Variants in MTUS2 observed in about 807,000 individuals in gnomAD.
MTUS2 encodes the protein microtubule-associated tumor suppressor candidate 2.
In MTUS2, 40 loss-of-function variants were observed where a neutral mutation model predicts 114.1. The observed-to-expected ratio is 0.35, with a 90% CI of 0.27 to 0.46. The LOEUF (loss-of-function observed/expected upper bound fraction) is 0.46. MTUS2 is among the 20% of genes least tolerant of loss of function. The probability of loss-of-function intolerance (pLI) is 1.00; values close to 1 mark genes in which losing one functional copy is unlikely to be tolerated. For missense variants in MTUS2, 1,679 were observed against 1,705.4 expected, an observed-to-expected ratio of 0.98 and a Z score of 0.27; for synonymous variants, 688 against 672.0, an observed-to-expected ratio of 1.02 and a Z score of -0.37.
At position 28,863,962 on chromosome 13, in the gene MTUS2, C is replaced by T. The variant is rs558379487; in HGVS notation, c.-243+24112C>T. Among the ~76,000 whole-genome samples, 23 of 152,298 alleles carry T rather than the reference C, an allele frequency of 1.5e-4. No individual in the cohort carries two copies. In the East Asian group the frequency reaches 4.3e-3, roughly 28 times the overall value. On this transcript the variant is annotated intron_variant, in intron 2 of 15. Transcript: ENST00000612955. ...CCTCCTGCATCAGCCTCCAAAAATA[C>T]TGGGATTACAGGCACGAGTCACTGC...
chr13:29,127,862 C>T (rs1323353891), intron 5 of MTUS2, among the ~76,000 whole-genome samples: 1 of 152,184 alleles, frequency 6.6e-6, no homozygotes, highest in Admixed American at 6.5e-5. Flanking sequence ...CGTGGTTTTA[C>T]AGATTAGTGT....
At position 28,979,394 on chromosome 13, in the gene MTUS2, C is replaced by T. The variant is rs141568181; in HGVS notation, c.-242-45063C>T. On this transcript the variant is annotated intron_variant, in intron 2 of 15. Coordinates refer to ENST00000612955, the MANE Select transcript of MTUS2 (RefSeq NM_001033602.4). The stretch of plus-strand genomic sequence containing the variant: ...TAACAATGCCTTTTCATCCTGAAAA[C>T]CATTTCAGGCCCTTTCCATTTTTAA... 2.2e-3 allele frequency among the ~76,000 whole-genome samples: 330 copies of T among 152,250 alleles called. 2 individuals carry two copies. Among genetic ancestry groups the T allele is most frequent in the African/African-American group, 6.4e-3 (266 of 41,530 alleles).
At position 29,008,196 on chromosome 13, in the gene MTUS2, C is replaced by T. The variant is rs560270515; in HGVS notation, c.-242-16261C>T. Among the ~76,000 whole-genome samples, 124 of 152,262 alleles carry T rather than the reference C, an allele frequency of 8.1e-4. 1 individual carries two copies. Among genetic ancestry groups the T allele is most frequent in the African/African-American group, 2.9e-3 (121 of 41,548 alleles). On this transcript the variant is annotated intron_variant, in intron 2 of 15. Transcript: ENST00000612955. ...CTCCTGATTGTGCCAAGTCAGTCAA[C>T]AGAGCCCCATCTCCTGCCCTGAGGG...
chr13:29,265,000 A>G (rs900498943), intron 5 of MTUS2, among the ~76,000 whole-genome samples: 2 of 152,258 alleles, frequency 1.3e-5, no homozygotes, highest in African/African-American at 4.8e-5. Flanking sequence ...TTTCTCTGCC[A>G]CATGACCAGG....
intron 5 of MTUS2, among the ~76,000 whole-genome samples, chr13:29,112,558 G>A (rs1890923082): frequency 6.6e-6 from 1 of 152,144 alleles, no homozygotes; most frequent in South Asian, 2.1e-4. Flanking sequence ...TGAGGAAAAG[G>A]GAAAGAACCG....
At chr13:29,251,797 T>C (rs987624108) in intron 5 of MTUS2, among the ~76,000 whole-genome samples, 1 of 152,256 alleles carries the variant, frequency 6.6e-6, no homozygotes, top group African/African-American at 2.4e-5. Context: ...TAATATTTCA[T>C]TGTGTGCATA....
At chr13:29,202,018 T>G (rs554103829) in intron 5 of MTUS2, among the ~76,000 whole-genome samples, 7 of 152,292 alleles carry the variant, frequency 4.6e-5, no homozygotes, top group South Asian at 2.1e-4. Context: ...CTTAGTGGTG[T>G]TCTCTGTATT....
intron 2 of MTUS2, among the ~76,000 whole-genome samples, chr13:28,960,424 T>C (rs1414154464): frequency 6.6e-6 from 1 of 152,198 alleles, no homozygotes; most frequent in African/African-American, 2.4e-5. Flanking sequence ...CAAAAATTTG[T>C]ACACAGATGT....
intron 8 of MTUS2, among the ~76,000 whole-genome samples, chr13:29,419,605 G>T (rs1046648831): frequency 3.9e-5 from 6 of 152,206 alleles, no homozygotes; most frequent in Admixed American, 3.9e-4. Context: ...TTCCAAAGCA[G>T]TGCTTTCACT....
Position 29,199,519 on chromosome 13 carries a change from C to T in MTUS2, c.2645-82185C>T, listed in dbSNP as rs768441255. On this transcript the variant is annotated intron_variant, in intron 5 of 15. Transcript: ENST00000612955. ...ATTGATTTGCATATGTTGAACCAGC[C>T]TTGCATCCCAGGGATAAAGCCGAGT... Among the ~76,000 whole-genome samples, 8 of 152,186 alleles carry T rather than the reference C, an allele frequency of 5.3e-5. No homozygotes were observed. The East Asian group carries it at 1.5e-3, about 29-fold the overall frequency.
intron 5 of MTUS2, among the ~76,000 whole-genome samples, chr13:29,129,189 CT>C (rs10610501): frequency 0.57 from 78,898 of 138,404 alleles, 22,109 homozygotes; most frequent in Admixed American, 0.63. Context: ...CCCTGGCAGT[CT>C]TTTTTTTTTT....
chr13:29,369,274 C>A (rs9579362), intron 8 of MTUS2, among the ~76,000 whole-genome samples: 30,797 of 152,144 alleles, frequency 0.2, 3,238 homozygotes, highest in Middle Eastern at 0.25. Context: ...TAGAGAAGCC[C>A]GTTCTTCTAC....
intron 5 of MTUS2, among the ~76,000 whole-genome samples, chr13:29,254,031 C>CT (rs1219222945): frequency 2.6e-5 from 4 of 152,018 alleles, no homozygotes; most frequent in African/African-American, 9.7e-5. Flanking sequence ...ATATCAAAGA[C>CT]TAAGTAAATA....
intron 4 of MTUS2, among the ~76,000 whole-genome samples, chr13:29,034,924 TCA>T (rs1222445910): frequency 6.6e-6 from 1 of 152,198 alleles, no homozygotes. Context: ...TGACAAATGT[TCA>T]CAGTTTTACT....
intron 9 of MTUS2, among the ~76,000 whole-genome samples, chr13:29,462,467 G>A (rs1879570066): frequency 6.6e-6 from 1 of 152,166 alleles, no homozygotes; most frequent in Non-Finnish European, 1.5e-5. Flanking sequence ...AACAGTTGGG[G>A]CCATTGCAGT....
chr13:28,834,070 CTTAATA>C (rs1283340050), intron 1 of MTUS2, among the ~76,000 whole-genome samples: 3 of 152,070 alleles, frequency 2.0e-5, no homozygotes, highest in African/African-American at 7.2e-5. Context: ...GACTGGAAGA[CTTAATA>C]TTATTAAGGT....
At chr13:29,254,956 G>A (rs989573186) in intron 5 of MTUS2, among the ~76,000 whole-genome samples, 5 of 151,968 alleles carry the variant, frequency 3.3e-5, no homozygotes, top group African/African-American at 1.2e-4. Flanking sequence ...TAATTCCCAC[G>A]CCATCGTTTT....
intron 8 of MTUS2, among the ~76,000 whole-genome samples, chr13:29,367,739 A>T (rs1237659153): frequency 6.9e-6 from 1 of 145,452 alleles, no homozygotes; most frequent in Non-Finnish European, 1.5e-5. Flanking sequence ...AGCAACACCC[A>T]CACAGAAATC....
intron 8 of MTUS2, among the ~76,000 whole-genome samples, chr13:29,402,249 A>T (rs1874403296): frequency 6.6e-6 from 1 of 152,024 alleles, no homozygotes; most frequent in Non-Finnish European, 1.5e-5. Flanking sequence ...TCTAGGCTCT[A>T]CAAATTTGAC....
Sources: allele counts gnomAD v4.1 joint callset (sites outside exome capture counted in the v4.1 genomes callset), GRCh38; gene constraint gnomAD v4.1.1; transcripts MANE v1.5; gene names NCBI Gene and HGNC (gene_info 2026-07-23, HGNC 2026-07-21).